HDGFL3: variants seen among roughly 807,000 people sequenced by gnomAD.
HDGFL3 encodes hepatoma-derived growth factor-related protein 3.
Under a neutral mutation model 27.6 loss-of-function variants are expected in HDGFL3, and 6 were observed. The ratio of observed to expected loss-of-function variants is 0.22; its 90% CI spans 0.12 to 0.43. The LOEUF (loss-of-function observed/expected upper bound fraction) is 0.43. Ranked by LOEUF, HDGFL3 falls within the 20% of genes least tolerant of loss-of-function variation. HDGFL3 has a pLI of 1.00. For missense variants in HDGFL3, 207 were observed against 250.1 expected, an observed-to-expected ratio of 0.83 and a Z score of 1.16; for synonymous variants, 88 against 88.9, an observed-to-expected ratio of 0.99 and a Z score of 0.05.
chr15:83,187,344 GTGTGTGTGTGGAGAACTACTCTC>G (rs2037456952), intron 1 of HDGFL3, among the ~76,000 whole-genome samples: 1 of 146,800 alleles, frequency 6.8e-6, no homozygotes, highest in Non-Finnish European at 1.5e-5. Flanking sequence ...TTTTTTTTGT[GTGTGTGTGTGGAGAACTACTCTC>G]TGTGTGTGTC....
At chr15:83,192,510 TAAG>T (rs2037523718) in intron 1 of HDGFL3, among the ~76,000 whole-genome samples, 1 of 152,038 alleles carries the variant, frequency 6.6e-6, no homozygotes, top group Non-Finnish European at 1.5e-5. Flanking sequence ...CCCAATAAAA[TAAG>T]AAAAAAGGCA....
exon 4 of HDGFL3, chr15:83,112,950 C>T: frequency 1.4e-6 from 2 of 1,414,608 alleles, no homozygotes; most frequent in East Asian, 2.3e-5. Flanking sequence ...TAACACAATA[C>T]TTTCAGCCTC....
At chr15:83,124,895 A>C, downstream of HDGFL3, 1 of 861,160 alleles carries the variant, frequency 1.2e-6, no homozygotes, top group East Asian at 2.8e-5. Flanking sequence ...CTAACAAACC[A>C]TTCCTCCCAT....
At chr15:83,204,714 C>T (rs2037695738) in intron 1 of HDGFL3, among the ~76,000 whole-genome samples, 1 of 152,012 alleles carries the variant, frequency 6.6e-6, no homozygotes, top group African/African-American at 2.4e-5. Context: ...ATACAAGTAC[C>T]ATCACTTGGT....
chr15:83,142,589 G>C (rs1489752387), intron 5 of HDGFL3, among the ~76,000 whole-genome samples: 1 of 152,024 alleles, frequency 6.6e-6, no homozygotes, highest in Non-Finnish European at 1.5e-5. Flanking sequence ...TTAGAACCCA[G>C]GGTAACAACA....
chr15:83,203,428 G>A (rs1163855948), intron 1 of HDGFL3, among the ~76,000 whole-genome samples: 1 of 152,014 alleles, frequency 6.6e-6, no homozygotes, highest in East Asian at 1.9e-4. Context: ...TTTGGTGTGT[G>A]CCCGGTTGAG....
intron 2 of HDGFL3, among the ~76,000 whole-genome samples, chr15:83,158,913 G>A (rs1237915647): frequency 6.6e-6 from 1 of 151,716 alleles, no homozygotes; most frequent in African/African-American, 2.4e-5. Flanking sequence ...GTATGATCTC[G>A]GTTTACTGCA....
intron 1 of HDGFL3, among the ~76,000 whole-genome samples, chr15:83,172,507 T>C (rs1207671564): frequency 6.6e-6 from 1 of 152,118 alleles, no homozygotes; most frequent in African/African-American, 2.4e-5. Flanking sequence ...ATGTATTATA[T>C]ATTATTACAG....
At chr15:83,157,329 T>C (rs762412016) in intron 4 of HDGFL3, 86 bp downstream of exon 4, 1 of 1,296,908 alleles carries the variant, frequency 7.7e-7, no homozygotes, top group Non-Finnish European at 1.1e-6. Flanking sequence ...TATTTCTATG[T>C]ACCCAATAAA....
intron 3 of HDGFL3, 73 bp downstream of exon 3, chr15:83,157,830 A>AT: frequency 7.3e-7 from 1 of 1,376,018 alleles, no homozygotes; most frequent in African/African-American, 1.5e-5. Context: ...GAAAGGACAT[A>AT]TAAGAAAGAT....
intron 1 of HDGFL3, among the ~76,000 whole-genome samples, chr15:83,206,751 A>G (rs1302905496): frequency 6.6e-6 from 1 of 152,246 alleles, no homozygotes; most frequent in Non-Finnish European, 1.5e-5. Flanking sequence ...CACGTACCCC[A>G]GGACAATGAT....
downstream of HDGFL3, among the ~76,000 whole-genome samples, chr15:83,127,151 G>A (rs1021191699): frequency 2.7e-5 from 4 of 150,760 alleles, no homozygotes; most frequent in African/African-American, 4.9e-5. Context: ...CCGAGATTGC[G>A]CCACTGCACT....
At chr15:83,203,256 G>C (rs1201435976) in intron 1 of HDGFL3, among the ~76,000 whole-genome samples, 1 of 151,986 alleles carries the variant, frequency 6.6e-6, no homozygotes, top group Non-Finnish European at 1.5e-5. Flanking sequence ...GGAAGGTTTG[G>C]GTGGGGTATG....
rs557414118 is a variant in HDGFL3, at chr15:83,136,578, T to C, written c.*2692A>G. 2 of 1,613,908 alleles carry C rather than the reference T, an allele frequency of 1.2e-6. No individual in the cohort carries two copies. The highest frequency in any genetic ancestry group is 3.3e-5 in the Admixed American group (2 of 59,996). ...AAAATCCTTTTTTTAGCATTAAACA[T>C]AGCATATGGAGTTCTTCCTCAGCTC... On this transcript the variant is annotated 3_prime_UTR_variant, in exon 6 of 6. Coordinates refer to ENST00000299633, the MANE Select transcript of HDGFL3 (RefSeq NM_016073.4).
intron 1 of HDGFL3, among the ~76,000 whole-genome samples, chr15:83,165,468 GC>G (rs1252451080): frequency 2.0e-5 from 3 of 152,066 alleles, no homozygotes; most frequent in Non-Finnish European, 4.4e-5. Context: ...AGCTATCAGA[GC>G]CCCTAGAGAA....
intron 2 of HDGFL3, among the ~76,000 whole-genome samples, chr15:83,160,460 C>T (rs2037085963): frequency 6.6e-6 from 1 of 151,606 alleles, no homozygotes; most frequent in East Asian, 1.9e-4. Context: ...GCTGGGATTA[C>T]AGCCATGAGC....
chr15:83,144,063 A>ATCG (rs1157473402), intron 5 of HDGFL3, among the ~76,000 whole-genome samples: 2 of 152,272 alleles, frequency 1.3e-5, no homozygotes, highest in East Asian at 3.9e-4. Context: ...CTGCCAGGCA[A>ATCG]TCGTCAGCAC....
chr15:83,195,847 GA>G (rs1427467240), intron 1 of HDGFL3, among the ~76,000 whole-genome samples: 1 of 151,906 alleles, frequency 6.6e-6, no homozygotes, highest in Non-Finnish European at 1.5e-5. Flanking sequence ...AAACAAAACA[GA>G]AAAGTTTTGA....
chr15:83,143,578 T>C (rs1467165129), intron 5 of HDGFL3, among the ~76,000 whole-genome samples: 1 of 152,098 alleles, frequency 6.6e-6, no homozygotes, highest in African/African-American at 2.4e-5. Context: ...CGAAACTCCA[T>C]CTCAAACAAA....
Sources: allele counts gnomAD v4.1 joint callset (sites outside exome capture counted in the v4.1 genomes callset), GRCh38; gene constraint gnomAD v4.1.1; transcripts MANE v1.5; gene names NCBI Gene and HGNC (gene_info 2026-07-23, HGNC 2026-07-21).